UBE2E2: variants seen among roughly 807,000 people sequenced by gnomAD.
UBE2E2 encodes ubiquitin-conjugating enzyme E2 E2.
A neutral mutation model predicts 24.7 loss-of-function variants in UBE2E2; 6 were observed. That is an observed-to-expected ratio of 0.24 (90% CI 0.13 to 0.48). The LOEUF is 0.48. Ranked by LOEUF, UBE2E2 falls within the 20% of genes least tolerant of loss-of-function variation. The pLI is 0.99. For missense variants in UBE2E2, 169 were observed against 245.0 expected, an observed-to-expected ratio of 0.69 and a Z score of 2.07; for synonymous variants, 104 against 83.6, an observed-to-expected ratio of 1.24 and a Z score of -1.33.
chr3:23,287,040 C>G (rs957129901), intron 3 of UBE2E2, among the ~76,000 whole-genome samples: 7 of 152,092 alleles, frequency 4.6e-5, no homozygotes, highest in African/African-American at 1.7e-4. Flanking sequence ...AGTTTTTCCC[C>G]ATTCAGTATG....
At chr3:23,341,802 T>G (rs1009470756) in intron 3 of UBE2E2, among the ~76,000 whole-genome samples, 2 of 152,206 alleles carry the variant, frequency 1.3e-5, no homozygotes, top group Non-Finnish European at 2.9e-5. Flanking sequence ...ATTTTTTCTT[T>G]GTGAAAAGTA....
chr3:23,520,256 GTTTC>G (rs1169985411), intron 4 of UBE2E2, among the ~76,000 whole-genome samples: 1 of 152,072 alleles, frequency 6.6e-6, no homozygotes, highest in African/African-American at 2.4e-5. Flanking sequence ...ACCTATGTCT[GTTTC>G]TTAGTAATAA....
At chr3:23,582,845 CTGTT>C (rs1696515038) in intron 5 of UBE2E2, among the ~76,000 whole-genome samples, 1 of 131,424 alleles carries the variant, frequency 7.6e-6, no homozygotes, top group Non-Finnish European at 1.6e-5. Context: ...TGTAGAGTGT[CTGTT>C]TATTCTGTTG....
At chr3:23,330,653 A>G (rs1294580554) in intron 3 of UBE2E2, among the ~76,000 whole-genome samples, 1 of 152,204 alleles carries the variant, frequency 6.6e-6, no homozygotes, top group Non-Finnish European at 1.5e-5. Flanking sequence ...ATTGTCCAGC[A>G]GCTTTATGCA....
At chr3:23,581,429 T>A (rs1696475310) in intron 5 of UBE2E2, among the ~76,000 whole-genome samples, 1 of 152,204 alleles carries the variant, frequency 6.6e-6, no homozygotes, top group Non-Finnish European at 1.5e-5. Context: ...CTGAAGAGAA[T>A]GTCTTTAAGA....
At chr3:23,437,727 C>T (rs1003572333) in intron 3 of UBE2E2, among the ~76,000 whole-genome samples, 1 of 152,314 alleles carries the variant, frequency 6.6e-6, no homozygotes, top group South Asian at 2.1e-4. Context: ...CTCCCTCCTC[C>T]TTTGGATTTC....
At chr3:23,568,467 G>C (rs910670577) in intron 5 of UBE2E2, among the ~76,000 whole-genome samples, 2 of 151,628 alleles carry the variant, frequency 1.3e-5, no homozygotes, top group Non-Finnish European at 2.9e-5. Context: ...GTAGACAGAA[G>C]AGACAATCAG....
chr3:23,332,977 G>T (rs996880881), intron 3 of UBE2E2, among the ~76,000 whole-genome samples: 1 of 152,142 alleles, frequency 6.6e-6, no homozygotes, highest in African/African-American at 2.4e-5. Flanking sequence ...GGTGATAAAA[G>T]CCTCTATTTT....
At chr3:23,230,951 G>A (rs1696959725) in intron 3 of UBE2E2, among the ~76,000 whole-genome samples, 1 of 152,130 alleles carries the variant, frequency 6.6e-6, no homozygotes, top group Non-Finnish European at 1.5e-5. Context: ...AAGTTAGAGG[G>A]AAACCACTTT....
At chr3:23,337,571 C>T (rs1439481070) in intron 3 of UBE2E2, among the ~76,000 whole-genome samples, 1 of 152,076 alleles carries the variant, frequency 6.6e-6, no homozygotes, top group Non-Finnish European at 1.5e-5. Flanking sequence ...ACTGGGAGTT[C>T]AGGGACAACT....
At chr3:23,426,087 CAG>C (rs1250829524) in intron 3 of UBE2E2, among the ~76,000 whole-genome samples, 1 of 151,994 alleles carries the variant, frequency 6.6e-6, no homozygotes, top group Non-Finnish European at 1.5e-5. Context: ...AGGTGAAAAA[CAG>C]TGAAATAAAA....
chr3:23,319,573 G>C (rs1055221131), intron 3 of UBE2E2, among the ~76,000 whole-genome samples: 7 of 152,128 alleles, frequency 4.6e-5, no homozygotes, highest in African/African-American at 1.4e-4. Context: ...GCTCACGCCT[G>C]TAATCTCAGC....
chr3:23,204,880 T>A, intron 1 of UBE2E2: 1 of 539,966 alleles, frequency 1.9e-6, no homozygotes, highest in Non-Finnish European at 2.4e-6. Flanking sequence ...TATAAAAGCT[T>A]AAATGAACAC....
At chr3:23,455,945 G>T (rs890432407) in intron 3 of UBE2E2, among the ~76,000 whole-genome samples, 2 of 152,170 alleles carry the variant, frequency 1.3e-5, no homozygotes, top group Non-Finnish European at 2.9e-5. Context: ...TTGTTTGGCA[G>T]TATTTTACCC....
At chr3:23,457,677 A>G (rs544974894) in intron 3 of UBE2E2, among the ~76,000 whole-genome samples, 1 of 152,230 alleles carries the variant, frequency 6.6e-6, no homozygotes, top group Admixed American at 6.5e-5. Context: ...CACCATATCC[A>G]GCTACTTCTT....
chr3:23,491,427 C>A (rs1055907177), intron 3 of UBE2E2, among the ~76,000 whole-genome samples: 2 of 152,150 alleles, frequency 1.3e-5, no homozygotes, highest in African/African-American at 4.8e-5. Context: ...CAGAATGTTA[C>A]CACTTCCAAA....
At chr3:23,374,733 T>C (rs1696479076) in intron 3 of UBE2E2, among the ~76,000 whole-genome samples, 1 of 152,236 alleles carries the variant, frequency 6.6e-6, no homozygotes, top group Non-Finnish European at 1.5e-5. Flanking sequence ...AAGAAGAAAC[T>C]TACTGCCTCT....
intron 3 of UBE2E2, among the ~76,000 whole-genome samples, chr3:23,433,002 C>G (rs1173247856): frequency 6.6e-6 from 1 of 151,838 alleles, no homozygotes; most frequent in Non-Finnish European, 1.5e-5. Flanking sequence ...CTTATGATGC[C>G]ATTAACAGAA....
intron 5 of UBE2E2, among the ~76,000 whole-genome samples, chr3:23,542,503 T>C (rs1028880581): frequency 1.3e-5 from 2 of 152,222 alleles, no homozygotes; most frequent in Non-Finnish European, 2.9e-5. Flanking sequence ...TTTAGATACA[T>C]GTGGGAGTTG....
Sources: allele counts gnomAD v4.1 joint callset (sites outside exome capture counted in the v4.1 genomes callset), GRCh38; gene constraint gnomAD v4.1.1; transcripts MANE v1.5; gene names NCBI Gene and HGNC (gene_info 2026-07-23, HGNC 2026-07-21).